Variants in DLEU7 observed in about 807,000 individuals in gnomAD.
The protein encoded by DLEU7 is deleted in lymphocytic leukemia 7.
Under a neutral mutation model 16.0 loss-of-function variants are expected in DLEU7, and 17 were observed. That is an observed-to-expected ratio of 1.06 (90% CI 0.73 to 1.59). The LOEUF (loss-of-function observed/expected upper bound fraction) is 1.59. Among genes scored for constraint, DLEU7 ranks in the 40% most tolerant of loss-of-function variants. The pLI is 0.00. For missense variants in DLEU7, 308 were observed against 314.9 expected, an observed-to-expected ratio of 0.98 and a Z score of 0.17; for synonymous variants, 113 against 139.8, an observed-to-expected ratio of 0.81 and a Z score of 1.35.
chr13:50,714,007 G>C (rs917810203), intron 1 of DLEU7, among the ~76,000 whole-genome samples: 7 of 152,164 alleles, frequency 4.6e-5, no homozygotes, highest in Non-Finnish European at 7.4e-5. Context: ...CTCTGTCTCT[G>C]ACTCCCCTCA....
intron 1 of DLEU7, among the ~76,000 whole-genome samples, chr13:50,757,889 A>G (rs576119886): frequency 1.3e-5 from 2 of 152,336 alleles, no homozygotes; most frequent in South Asian, 4.1e-4. Flanking sequence ...ACTCTGATTC[A>G]GGCAGTGATT....
chr13:50,808,155 A>C (rs1268353601), intron 1 of DLEU7, among the ~76,000 whole-genome samples: 1 of 152,212 alleles, frequency 6.6e-6, no homozygotes, highest in Non-Finnish European at 1.5e-5. Context: ...GCAAAAAAAC[A>C]TTAATCAGAA....
At chr13:50,765,397 A>G (rs1020472521) in intron 1 of DLEU7, among the ~76,000 whole-genome samples, 1 of 152,162 alleles carries the variant, frequency 6.6e-6, no homozygotes, top group African/African-American at 2.4e-5. Context: ...AGGAAGATAA[A>G]TGGAAGAAGA....
At chr13:50,759,521 A>AG (rs376583803) in intron 1 of DLEU7, among the ~76,000 whole-genome samples, 70,965 of 151,472 alleles carry the variant, frequency 0.47, 17,529 homozygotes, top group African/African-American at 0.62. Flanking sequence ...AGCACTTTGT[A>AG]CACTCTAAAG....
At chr13:50,727,595 A>C (rs1873801399) in intron 1 of DLEU7, among the ~76,000 whole-genome samples, 1 of 152,112 alleles carries the variant, frequency 6.6e-6, no homozygotes, top group African/African-American at 2.4e-5. Flanking sequence ...TCTCATGAGA[A>C]GCTACATCCC....
intron 1 of DLEU7, among the ~76,000 whole-genome samples, chr13:50,733,364 C>T (rs1873975096): frequency 1.3e-5 from 2 of 152,194 alleles, no homozygotes; most frequent in Non-Finnish European, 2.9e-5. Flanking sequence ...ATTGAATGTC[C>T]TGCACCTACT....
chr13:50,711,648 A>G (rs914928455), downstream of DLEU7: 7 of 152,146 alleles, frequency 4.6e-5, no homozygotes, highest in South Asian at 2.1e-4. Context: ...CTGTTTTTCA[A>G]TCATTTGTTT....
intron 1 of DLEU7, among the ~76,000 whole-genome samples, chr13:50,837,850 T>C (rs1349250100): frequency 6.6e-6 from 1 of 152,232 alleles, no homozygotes; most frequent in Non-Finnish European, 1.5e-5. Flanking sequence ...CAAATATAGA[T>C]ACTTCTGGAA....
intron 1 of DLEU7, among the ~76,000 whole-genome samples, chr13:50,763,421 A>C (rs1874997843): frequency 6.6e-6 from 1 of 152,210 alleles, no homozygotes; most frequent in African/African-American, 2.4e-5. Context: ...AGACATGATG[A>C]GGGCCTGCAT....
At chr13:50,832,949 CAT>C (rs1457581831) in intron 1 of DLEU7, among the ~76,000 whole-genome samples, 5 of 152,194 alleles carry the variant, frequency 3.3e-5, no homozygotes, top group African/African-American at 1.2e-4. Flanking sequence ...GCAAAAACCA[CAT>C]GATTATCTCA....
intron 1 of DLEU7, among the ~76,000 whole-genome samples, chr13:50,817,877 A>G (rs1355088797): frequency 6.7e-6 from 1 of 150,260 alleles, no homozygotes; most frequent in Non-Finnish European, 1.5e-5. Context: ...CCAGGAAATT[A>G]CAGAATACAG....
At chr13:50,818,255 G>T (rs1023549163), downstream of DLEU7, among the ~76,000 whole-genome samples, 1 of 152,120 alleles carries the variant, frequency 6.6e-6, no homozygotes, top group East Asian at 1.9e-4. Flanking sequence ...AGCACTACAT[G>T]GGAAAATTGA....
chr13:50,819,963 G>A (rs1375436764), downstream of DLEU7, among the ~76,000 whole-genome samples: 1 of 152,148 alleles, frequency 6.6e-6, no homozygotes, highest in Non-Finnish European at 1.5e-5. Flanking sequence ...AAGAAATCAA[G>A]AGATGTGGAA....
downstream of DLEU7, chr13:50,711,059 A>G (rs1298596167): frequency 6.6e-6 from 1 of 152,214 alleles, no homozygotes; most frequent in African/African-American, 2.4e-5. Context: ...TTTACTATAT[A>G]TTTTTAAATT....
At chr13:50,775,880 T>A (rs1446947411) in intron 1 of DLEU7, among the ~76,000 whole-genome samples, 1 of 152,234 alleles carries the variant, frequency 6.6e-6, no homozygotes, top group Non-Finnish European at 1.5e-5. Context: ...CTTTGTTATC[T>A]TTGGGATAAT....
At chr13:50,735,725 A>G (rs1874050850) in intron 1 of DLEU7, among the ~76,000 whole-genome samples, 1 of 152,202 alleles carries the variant, frequency 6.6e-6, no homozygotes. Flanking sequence ...TCAAAATAAG[A>G]CATCCATGCT....
chr13:50,826,012 C>G (rs1877071757), intron 1 of DLEU7, among the ~76,000 whole-genome samples: 1 of 134,696 alleles, frequency 7.4e-6, no homozygotes, highest in African/African-American at 2.7e-5. Context: ...CTCCCCCCTC[C>G]CCCGACCCCA....
At chr13:50,764,840 T>C (rs2137749115) in intron 1 of DLEU7, among the ~76,000 whole-genome samples, 1 of 152,216 alleles carries the variant, frequency 6.6e-6, no homozygotes, top group Middle Eastern at 3.4e-3. Context: ...AAGAATGAAG[T>C]ATATTAAATG....
At chr13:50,763,688 A>C (rs9568471) in intron 1 of DLEU7, among the ~76,000 whole-genome samples, 15,130 of 152,166 alleles carry the variant, frequency 0.099, 1,470 homozygotes, top group East Asian at 0.28. Context: ...CCCTTTTGAC[A>C]TGTCTTTTAC....
Sources: allele counts gnomAD v4.1 joint callset (sites outside exome capture counted in the v4.1 genomes callset), GRCh38; gene constraint gnomAD v4.1.1; transcripts MANE v1.5; gene names NCBI Gene and HGNC (gene_info 2026-07-23, HGNC 2026-07-21).